ASB18: variants seen among roughly 807,000 people sequenced by gnomAD.
ASB18 encodes the protein ankyrin repeat and SOCS box containing 18.
ASB18 carries 33 observed loss-of-function variants against 33.4 expected under a neutral mutation model. The ratio of observed to expected loss-of-function variants is 0.99; its 90% CI spans 0.75 to 1.32. ASB18 has a LOEUF of 1.32. Among genes scored for constraint, ASB18 ranks in the 40% most tolerant of loss-of-function variants. The pLI is 0.00. For missense variants in ASB18, 694 were observed against 655.5 expected, an observed-to-expected ratio of 1.06 and a Z score of -0.64; for synonymous variants, 295 against 307.6, an observed-to-expected ratio of 0.96 and a Z score of 0.43.
rs1335093469 is a variant in ASB18, at chr2:236,203,546, G to A, written c.1102-7161C>T. ...GCACTTGCCAGGTATGAGTGGAGGA[G>A]AGGCTGGGTCTGATTTTAATTTTAG... On this transcript the variant is annotated intron_variant, in intron 4 of 5. Transcript: ENST00000409749. This position sits in a 1 kb window ranked among gnomAD's most constrained non-coding sequence, Gnocchi z 6.0. 6.6e-6 allele frequency among the ~76,000 whole-genome samples: 1 copy of A among 152,166 alleles called. No homozygotes were observed. Among genetic ancestry groups the A allele is most frequent in the Non-Finnish European group, 1.5e-5 (1 of 68,042 alleles).
chr2:236,214,527 T>C lies in ASB18; in HGVS notation c.936A>G (p.Leu312=). 1 of 1,441,378 alleles carries C rather than the reference T, an allele frequency of 6.9e-7. No individual in the cohort carries two copies. Among genetic ancestry groups the C allele is most frequent in the Non-Finnish European group, 9.0e-7 (1 of 1,110,062 alleles). The allele number at this position is 1,441,378 out of a possible 1,614,324, so 89.3% of individuals were successfully genotyped here. A position where few individuals can be genotyped will look rare whatever the true frequency, so the allele number is the denominator to read the frequency against. Residue 312 remains leucine, a synonymous_variant, in exon 4 of 6, where the codon CTA becomes CTG. Transcript: ENST00000409749. The surrounding 1 kb of genome is among the most constrained non-coding windows in gnomAD (Gnocchi z 6.5). ...GHASHSLARL[L]LRHGADAGAL... ...CGCCCGCGTCGGCGCCGTGCCGCAG[T>C]AGGAGGCGCGCCAGGCTGTGGCTCG...
At position 236,238,967 on chromosome 2, in the gene ASB18, C is replaced by T. The variant is rs1009345107; in HGVS notation, c.329-1011G>A. Among the ~76,000 whole-genome samples, 1 of 152,160 alleles carries T rather than the reference C, an allele frequency of 6.6e-6. No homozygotes were observed. The highest frequency in any genetic ancestry group is 2.4e-5 in the African/African-American group (1 of 41,430). On this transcript the variant is annotated intron_variant, in intron 2 of 5. Coordinates refer to ENST00000409749, the MANE Select transcript of ASB18 (RefSeq NM_212556.4). The surrounding 1 kb of genome is among the most constrained non-coding windows in gnomAD (Gnocchi z 5.2). Reference sequence around the variant, plus strand: ...CGCATGTGGTGCCGAGTTCCAGCCGCCCTGAGTCCCCAAGGCCCAGCCTGG... The same window carrying T: ...CGCATGTGGTGCCGAGTTCCAGCCGTCCTGAGTCCCCAAGGCCCAGCCTGG...
At chr2:236,246,921 C>T (rs2060648063) in intron 1 of ASB18, among the ~76,000 whole-genome samples, 1 of 152,164 alleles carries the variant, frequency 6.6e-6, no homozygotes, top group Non-Finnish European at 1.5e-5. Context: ...CTGTGTTTCA[C>T]TTTAACGAAT....
intron 3 of ASB18, among the ~76,000 whole-genome samples, chr2:236,218,505 A>G (rs947774367): frequency 4.6e-4 from 70 of 152,354 alleles, no homozygotes; most frequent in African/African-American, 1.5e-3. Flanking sequence ...TATATGAAGA[A>G]TACCAGAAAT....
chr2:236,237,600 C>G lies in ASB18; in HGVS notation c.596+89G>C. 3 of 1,012,034 alleles carry G rather than the reference C, an allele frequency of 3.0e-6. No homozygotes were observed. The highest frequency in any genetic ancestry group is 3.7e-6 in the Non-Finnish European group (3 of 812,616). 62.7% of individuals were successfully genotyped at this position (1,012,034 alleles called of 1,614,324 possible). ...CCGGAGGCGGGGGCTGGGACGGAGG[C>G]GGAGGCGGGGTCGGCGGTCTCGTGG... On this transcript the variant is annotated intron_variant, in intron 3 of 5. Coordinates refer to ENST00000409749, the MANE Select transcript of ASB18 (RefSeq NM_212556.4). The surrounding 1 kb of genome is among the most constrained non-coding windows in gnomAD (Gnocchi z 6.2).
chr2:236,232,762 C>T (rs2060572191), intron 3 of ASB18, among the ~76,000 whole-genome samples: 2 of 151,916 alleles, frequency 1.3e-5, no homozygotes, highest in South Asian at 4.1e-4. Flanking sequence ...CTGAGTAGCC[C>T]TATAGCTAGT....
Position 236,228,340 on chromosome 2 carries a change from G to A in ASB18, c.596+9349C>T. Among the ~76,000 whole-genome samples, 1 of 107,078 alleles carries A rather than the reference G, an allele frequency of 9.3e-6. No individual in the cohort carries two copies. The highest frequency in any genetic ancestry group is 7.8e-5 in the Admixed American group (1 of 12,896). The allele number at this position is 107,078 out of a possible 152,430, so 70.2% of individuals were successfully genotyped here. A position where few individuals can be genotyped will look rare whatever the true frequency, so the allele number is the denominator to read the frequency against. On this transcript the variant is annotated intron_variant, in intron 3 of 5. Transcript: ENST00000409749. This position sits in a 1 kb window ranked among gnomAD's most constrained non-coding sequence, Gnocchi z 5.1. ...GTTCTATGAAGGGGACCCCAGCAGA[G>A]CCTGGTGAGCTGAGTGGAGGAGACG... is the stretch of plus-strand genomic sequence containing the variant.
rs2060553849 is a variant in ASB18 at position 236,229,169 on chromosome 2, GT to G, written c.596+8519del. ...CACTTGTTATAACTATATTCCACCT[GT>G]TTGAGAAGCTAGAGGAAAGACTGAC... On this transcript the variant is annotated intron_variant, in intron 3 of 5. Transcript: ENST00000409749. The surrounding 1 kb of genome is among the most constrained non-coding windows in gnomAD (Gnocchi z 5.2). Among the ~76,000 whole-genome samples, 1 of 152,336 alleles carries G rather than the reference GT, an allele frequency of 6.6e-6. No homozygotes were observed. The highest frequency in any genetic ancestry group is 1.9e-4 in the East Asian group (1 of 5,182).
At position 236,194,313 on chromosome 2, in the gene ASB18, C is replaced by A. The variant is rs2060360987; in HGVS notation, c.*559G>T. Reference sequence around the variant, plus strand: ...ACAACCACCATCACATACTGATTCACCAAAAATTGGGTAAATAATTATCTT... The same window carrying A: ...ACAACCACCATCACATACTGATTCAACAAAAATTGGGTAAATAATTATCTT... On this transcript the variant is annotated 3_prime_UTR_variant, in exon 6 of 6. Coordinates refer to ENST00000409749, the MANE Select transcript of ASB18 (RefSeq NM_212556.4). The surrounding 1 kb of genome is among the most constrained non-coding windows in gnomAD (Gnocchi z 4.5). 6.6e-6 allele frequency among the ~76,000 whole-genome samples: 1 copy of A among 152,120 alleles called. No homozygotes were observed. The highest frequency in any genetic ancestry group is 2.1e-4 in the South Asian group (1 of 4,820).
rs2060365069 is a variant in ASB18, at chr2:236,195,056, A to G, written c.1217T>C (p.Met406Thr). The G allele has an allele frequency of 6.2e-7, 1 of 1,606,632 alleles. No homozygotes were observed. Among genetic ancestry groups the G allele is most frequent in the Non-Finnish European group, 8.5e-7 (1 of 1,175,336 alleles). Residue 406 changes from methionine to threonine, a missense_variant and splice_region_variant, in exon 6 of 6, where the codon ATG (methionine) becomes ACG (threonine). Coordinates refer to ENST00000409749, the MANE Select transcript of ASB18 (RefSeq NM_212556.4). This position sits in a 1 kb window ranked among gnomAD's most constrained non-coding sequence, Gnocchi z 5.5. ...KEVIPEEVFQ[M>T]HKPFYQSLFA... ...GAGGGACTGGTAGAACGGCTTGTGC[A>G]TCTGGAAGGGAAGGCAGGTGGATTA...
intron 4 of ASB18, among the ~76,000 whole-genome samples, chr2:236,206,943 G>C (rs1207323040): frequency 5.3e-5 from 8 of 152,236 alleles, no homozygotes; most frequent in Non-Finnish European, 8.8e-5. Flanking sequence ...GCCATGAAGG[G>C]AGGGACTGTC....
Position 236,239,599 on chromosome 2 carries a change from T to A in ASB18, c.329-1643A>T, listed in dbSNP as rs1366319130. On this transcript the variant is annotated intron_variant, in intron 2 of 5. Transcript: ENST00000409749. This position sits in a 1 kb window ranked among gnomAD's most constrained non-coding sequence, Gnocchi z 5.6. ...AATTAAGGCTTCTCTGCATGTGGTG[T>A]GTCCCTCTAAGCATCAGCTCCCCCA... is the stretch of plus-strand genomic sequence containing the variant. Among the ~76,000 whole-genome samples, 8 of 152,306 alleles carry A rather than the reference T, an allele frequency of 5.3e-5. No individual in the cohort carries two copies. Among genetic ancestry groups the A allele is most frequent in the African/African-American group, 1.7e-4 (7 of 41,568 alleles).
intron 1 of ASB18, among the ~76,000 whole-genome samples, chr2:236,247,072 A>G (rs1338825954): frequency 2.0e-5 from 3 of 151,956 alleles, no homozygotes; most frequent in Non-Finnish European, 4.4e-5. Context: ...ACAGCTTCCT[A>G]AGTATCCAAG....
rs1215415713 is a variant in ASB18, at chr2:236,238,940, C to T, written c.329-984G>A. The stretch of plus-strand genomic sequence containing the variant: ...TGAAAGTCCATTCATTAATTACCTA[C>T]CCGCATGTGGTGCCGAGTTCCAGCC... On this transcript the variant is annotated intron_variant, in intron 2 of 5. Transcript: ENST00000409749. The surrounding 1 kb of genome is among the most constrained non-coding windows in gnomAD (Gnocchi z 5.2). Among the ~76,000 whole-genome samples the T allele has an allele frequency of 6.6e-6, 1 of 152,208 alleles. No homozygotes were observed. Among genetic ancestry groups the T allele is most frequent in the African/African-American group, 2.4e-5 (1 of 41,450 alleles).
At chr2:236,197,386 T>C (rs1346801249) in intron 4 of ASB18, among the ~76,000 whole-genome samples, 2 of 152,230 alleles carry the variant, frequency 1.3e-5, no homozygotes, top group Non-Finnish European at 1.5e-5. Flanking sequence ...TAGATGTCTT[T>C]TTTGTTTCAT....
chr2:236,248,777 G>A lies in ASB18; in HGVS notation c.206-7375C>T, dbSNP rs1350216159. 4 of 152,180 alleles carry A rather than the reference G, an allele frequency of 2.6e-5. No individual in the cohort carries two copies. Among genetic ancestry groups the A allele is most frequent in the Non-Finnish European group, 5.9e-5 (4 of 68,056 alleles). 9.4% of individuals were successfully genotyped at this position (152,180 alleles called of 1,614,324 possible). ...ATATCGTGATTTGAATGAATTTGTGGAAGGGTAGCTATCAGATGCGTGGCA... is the reference window on the plus strand; with the variant it reads ...ATATCGTGATTTGAATGAATTTGTGAAAGGGTAGCTATCAGATGCGTGGCA... On this transcript the variant is annotated intron_variant, in intron 1 of 5. Coordinates refer to ENST00000409749, the MANE Select transcript of ASB18 (RefSeq NM_212556.4). This position sits in a 1 kb window ranked among gnomAD's most constrained non-coding sequence, Gnocchi z 4.9.
rs1411227044 is a variant in ASB18 at position 236,208,279 on chromosome 2, C to T, written c.1101+6083G>A. ...CAGCCCTGTCCCTCTCTGCGCCCCA[C>T]ACATGTTGATATTTCTGGCTCACAC... On this transcript the variant is annotated intron_variant, in intron 4 of 5. Coordinates refer to ENST00000409749, the MANE Select transcript of ASB18 (RefSeq NM_212556.4). This position sits in a 1 kb window ranked among gnomAD's most constrained non-coding sequence, Gnocchi z 7.7. Among the ~76,000 whole-genome samples, 1 of 152,162 alleles carries T rather than the reference C, an allele frequency of 6.6e-6. No individual in the cohort carries two copies. The highest frequency in any genetic ancestry group is 1.9e-4 in the East Asian group (1 of 5,190).
chr2:236,237,680 G>C lies in ASB18; in HGVS notation c.596+9C>G. On this transcript the variant is annotated intron_variant, in intron 3 of 5. Transcript: ENST00000409749. This position sits in a 1 kb window ranked among gnomAD's most constrained non-coding sequence, Gnocchi z 6.2. ...GGCGGACGCCGCGGGCCTGTCCCGA[G>C]GTCCTTACCCGAGCGAGGCGGCCGT... 7.0e-7 allele frequency: 1 copy of C among 1,436,688 alleles called. No individual in the cohort carries two copies. Among genetic ancestry groups the C allele is most frequent in the Non-Finnish European group, 9.1e-7 (1 of 1,101,414 alleles). 89.0% of individuals were successfully genotyped at this position (1,436,688 alleles called of 1,614,324 possible). A position where few individuals can be genotyped will look rare whatever the true frequency, so the allele number is the denominator to read the frequency against.
chr2:236,210,236 C>T (rs974061178), intron 4 of ASB18: 1 of 152,268 alleles, frequency 6.6e-6, no homozygotes, highest in African/African-American at 2.4e-5. Context: ...TACATAAGTA[C>T]TAAAGGGATG....
Sources: allele counts gnomAD v4.1 joint callset (sites outside exome capture counted in the v4.1 genomes callset), GRCh38; gene constraint gnomAD v4.1.1; non-coding constraint Gnocchi (gnomAD v3.1); transcripts MANE v1.5; gene names NCBI Gene and HGNC (gene_info 2026-07-23, HGNC 2026-07-21).